Variants in SERPINC1 observed in about 807,000 individuals in gnomAD.
The protein encoded by SERPINC1 is antithrombin-III.
A neutral mutation model predicts 43.4 loss-of-function variants in SERPINC1; 12 were observed. That is an observed-to-expected ratio of 0.28 (90% CI 0.18 to 0.45). The LOEUF (loss-of-function observed/expected upper bound fraction) is 0.45, where lower values mean the gene tolerates loss of function less well. SERPINC1 is among the 20% of genes least tolerant of loss of function. The pLI is 1.00. For missense variants in SERPINC1, 423 were observed against 578.8 expected (o/e 0.73, Z 2.76); for synonymous variants, 210 against 218.9 (o/e 0.96, Z 0.36).
intron 2 of SERPINC1, among the ~76,000 whole-genome samples, chr1:173,913,284 AG>A (rs1657847691): frequency 6.6e-6 from 1 of 152,220 alleles, no homozygotes; most frequent in African/African-American, 2.4e-5. Flanking sequence ...GACTTGTCAT[AG>A]CCCCAGAGGC....
intron 3 of SERPINC1, 119 bp from the exon 4 acceptor site, chr1:173,911,010 AAGCC>A: frequency 8.3e-7 from 1 of 1,203,300 alleles, no homozygotes; most frequent in Non-Finnish European, 1.2e-6. Context: ...TTTGATTAAG[AAGCC>A]ATTGCTCTAA....
At chr1:173,912,772 C>T (rs1657823948) in intron 2 of SERPINC1, among the ~76,000 whole-genome samples, 1 of 152,110 alleles carries the variant, frequency 6.6e-6, no homozygotes, top group South Asian at 2.1e-4. Flanking sequence ...ACCCTGCTTT[C>T]CCAACACATG....
At chr1:173,904,647 C>G (rs1247942641) in intron 6 of SERPINC1, among the ~76,000 whole-genome samples, 1 of 152,134 alleles carries the variant, frequency 6.6e-6, no homozygotes, top group African/African-American at 2.4e-5. Context: ...CCTCAGGACC[C>G]AGAATATCAC....
rs1657921607 is a variant in SERPINC1 at position 173,914,810 on chromosome 1, G to A, written c.151C>T (p.Pro51Ser). ...TCCGGGGAGCGGTAAATGCACATGG[G>A]ATTCATGGGAATGTCCCGCGGCTTG... is the stretch of plus-strand genomic sequence containing the variant. ...TAKPRDIPMN[P>S]MCIYRSPEKK... Residue 51 changes from proline to serine, a missense_variant, in exon 2 of 7, where the codon CCC becomes TCC. Coordinates refer to ENST00000367698, the MANE Select transcript of SERPINC1 (RefSeq NM_000488.4). 2 of 1,614,060 alleles carry A rather than the reference G, an allele frequency of 1.2e-6. No homozygotes were observed. Among genetic ancestry groups the A allele is most frequent in the Non-Finnish European group, 8.5e-7 (1 of 1,179,994 alleles).
intron 2 of SERPINC1, 73 bp downstream of exon 2, chr1:173,914,480 A>T (rs1657903110): frequency 1.9e-6 from 3 of 1,585,796 alleles, no homozygotes; most frequent in Non-Finnish European, 2.6e-6. Flanking sequence ...TTGAGGAATC[A>T]TTGGACTTGG....
At chr1:173,913,748 C>G (rs979614459) in intron 2 of SERPINC1, among the ~76,000 whole-genome samples, 3 of 151,500 alleles carry the variant, frequency 2.0e-5, no homozygotes, top group Non-Finnish European at 4.4e-5. Context: ...CCCAGCTACT[C>G]GGGAGGCTGA....
At chr1:173,906,600 C>T (rs922469880) in intron 6 of SERPINC1, among the ~76,000 whole-genome samples, 4 of 152,036 alleles carry the variant, frequency 2.6e-5, no homozygotes, top group Admixed American at 1.3e-4. Flanking sequence ...ACTATTCTGT[C>T]CTCAGGGAAA....
chr1:173,915,442 G>A (rs1046501012), intron 1 of SERPINC1, among the ~76,000 whole-genome samples: 1 of 152,200 alleles, frequency 6.6e-6, no homozygotes, highest in Non-Finnish European at 1.5e-5. Context: ...TTGGGAGGCT[G>A]AGGCATGCAG....
At chr1:173,908,026 T>TAATAAA (rs1355692001) in intron 5 of SERPINC1, among the ~76,000 whole-genome samples, 105 of 142,880 alleles carry the variant, frequency 7.3e-4, no homozygotes, top group African/African-American at 2.3e-3. Context: ...ATAATAATAA[T>TAATAAA]AAAAGTACTT....
chr1:173,907,161 T>G (rs555617959), intron 6 of SERPINC1, among the ~76,000 whole-genome samples: 56 of 152,126 alleles, frequency 3.7e-4, no homozygotes, highest in African/African-American at 1.3e-3. Flanking sequence ...GACCCCATAC[T>G]CTTCTGGTTC....
At chr1:173,906,791 T>G (rs1657535432) in intron 6 of SERPINC1, among the ~76,000 whole-genome samples, 1 of 152,030 alleles carries the variant, frequency 6.6e-6, no homozygotes. Context: ...CCCAGGAGTC[T>G]TCTTACTAGA....
chr1:173,911,163 A>T, intron 3 of SERPINC1, among the ~76,000 whole-genome samples: 1 of 152,260 alleles, frequency 6.6e-6, no homozygotes, highest in African/African-American at 2.4e-5. Flanking sequence ...TAGTCTGGGA[A>T]AAAGAAGATA....
chr1:173,914,659 G>C lies in SERPINC1; in HGVS notation c.302C>G (p.Ser101Cys), dbSNP rs199895690. 49 of 1,614,240 alleles carry C rather than the reference G, an allele frequency of 3.0e-5. No homozygotes were observed. Among genetic ancestry groups the C allele is most frequent in the Middle Eastern group, 1.6e-4 (1 of 6,062 alleles). ...ATTFYQHLAD[S>C]KNDNDNIFLS... ...GAAAATGTTATCATTGTCATTCTTG[G>C]AATCTGCCAGGTGCTGATAGAAAGT... is the stretch of plus-strand genomic sequence containing the variant. The change falls in exon 2 of 7, where the codon TCC (serine) becomes TGC (cysteine). Residue 101 changes from serine (S) to cysteine (C), a missense_variant. Coordinates refer to ENST00000367698, the MANE Select transcript of SERPINC1 (RefSeq NM_000488.4).
At chr1:173,913,809 C>T (rs1276013204) in intron 2 of SERPINC1, among the ~76,000 whole-genome samples, 2 of 148,814 alleles carry the variant, frequency 1.3e-5, no homozygotes, top group Admixed American at 6.8e-5. Flanking sequence ...GAGCTGAGAT[C>T]GTGCCACTGC....
At position 173,909,954 on chromosome 1, in the gene SERPINC1, T is replaced by A. The variant is rs745890007; in HGVS notation, c.763-12A>T. On this transcript the variant is annotated splice_polypyrimidine_tract_variant and intron_variant, in intron 4 of 6. Transcript: ENST00000367698. The stretch of plus-strand genomic sequence containing the variant: ...GACTTCCACAGGCCCTGGAAGAGAA[T>A]CACAAAGTAAGAACACAAACATTCA... The A allele has an allele frequency of 6.2e-7, 1 of 1,613,806 alleles. No homozygotes were observed. Among genetic ancestry groups the A allele is most frequent in the Non-Finnish European group, 8.5e-7 (1 of 1,179,856 alleles).
rs181483529 is a variant in SERPINC1, at chr1:173,916,504, G to A, written c.41+715C>T. Among the ~76,000 whole-genome samples, 20 of 152,334 alleles carry A rather than the reference G, an allele frequency of 1.3e-4. No individual in the cohort carries two copies. In the East Asian group the frequency reaches 3.7e-3, roughly 28 times the overall value. On this transcript the variant is annotated intron_variant, in intron 1 of 6. Coordinates refer to ENST00000367698, the MANE Select transcript of SERPINC1 (RefSeq NM_000488.4). ...GCACCAAGGGAGATGTGGAAGGCAG[G>A]CTGAAGAAGCAGAGAGAGAGAGGAG...
chr1:173,906,727 TC>T (rs921637318), intron 6 of SERPINC1, among the ~76,000 whole-genome samples: 8 of 151,992 alleles, frequency 5.3e-5, no homozygotes, highest in Non-Finnish European at 7.4e-5. Flanking sequence ...AAGTGATTCT[TC>T]CATCTCAGCC....
chr1:173,910,620 CT>C (rs1211818169), intron 4 of SERPINC1, 133 bp downstream of exon 4: 4 of 740,498 alleles, frequency 5.4e-6, no homozygotes, highest in African/African-American at 3.5e-5. Flanking sequence ...ACCTGCCCTG[CT>C]GACCTGTACC....
intron 6 of SERPINC1, among the ~76,000 whole-genome samples, chr1:173,904,821 C>T (rs991917761): frequency 1.3e-5 from 2 of 152,138 alleles, no homozygotes; most frequent in Non-Finnish European, 1.5e-5. Context: ...ATTTCATGCT[C>T]ATTCCAGCAC....
Sources: allele counts gnomAD v4.1 joint callset (sites outside exome capture counted in the v4.1 genomes callset), GRCh38; gene constraint gnomAD v4.1.1; transcripts MANE v1.5; gene names NCBI Gene and HGNC (gene_info 2026-07-23, HGNC 2026-07-21).